The following ALPK2 variants were observed in gnomAD, a reference collection of about 807,000 sequenced individuals.
ALPK2 encodes the protein alpha kinase 2.
A neutral mutation model predicts 163.1 loss-of-function variants in ALPK2; 127 were observed. The observed-to-expected ratio is 0.78, with a 90% confidence interval of 0.67 to 0.90. The LOEUF (loss-of-function observed/expected upper bound fraction) is 0.90. ALPK2 is among the 40% of genes least tolerant of loss of function. The pLI is 0.00. For synonymous variants in ALPK2, 953 were observed against 959.1 expected (o/e 0.99, Z 0.12); for missense variants, 2,360 against 2,589.6 (o/e 0.91, Z 1.92).
At chr18:58,487,952 G>A (rs754157949) in intron 12 of ALPK2, among the ~76,000 whole-genome samples, 1 of 152,176 alleles carries the variant, frequency 6.6e-6, no homozygotes, top group Non-Finnish European at 1.5e-5. Flanking sequence ...CCCTGCGAAT[G>A]ACCTCGAGAC....
chr18:58,614,766 A>G (rs2052155912), intron 1 of ALPK2, among the ~76,000 whole-genome samples: 1 of 152,196 alleles, frequency 6.6e-6, no homozygotes, highest in East Asian at 1.9e-4. Flanking sequence ...ACCATACACA[A>G]TTTACTCATT....
At chr18:58,532,306 T>A (rs1489478622) in intron 5 of ALPK2, among the ~76,000 whole-genome samples, 1 of 152,166 alleles carries the variant, frequency 6.6e-6, no homozygotes, top group Non-Finnish European at 1.5e-5. Context: ...CCGTTCTAAT[T>A]TTCTCTGCAA....
Position 58,537,516 on chromosome 18 carries a change from T to C in ALPK2, c.2671A>G (p.Thr891Ala), listed in dbSNP as rs757581281. Residue 891 changes from threonine to alanine, a missense_variant, in exon 5 of 13, where the codon ACC (threonine) becomes GCC (alanine). Thr to Ala is a moderately conservative substitution (Grantham distance 58, BLOSUM62 0). Transcript: ENST00000361673. ...DGNSVMSPLF[T>A]STFTLNISHT... is the part of the protein sequence containing the mutation. ...GAAATGTTCAAGGTGAAAGTACTGG[T>C]AAAAAGAGGGGACATGACTGAGTTG... 1.9e-6 allele frequency: 3 copies of C among 1,612,994 alleles called. No individual in the cohort carries two copies. Among genetic ancestry groups the C allele is most frequent in the East Asian group, 4.5e-5 (2 of 44,830 alleles).
Position 58,602,555 on chromosome 18 carries a change from C to A in ALPK2, c.227+4767G>T, listed in dbSNP as rs151294921. Among the ~76,000 whole-genome samples, 8 of 152,240 alleles carry A rather than the reference C, an allele frequency of 5.3e-5. 1 individual carries two copies. The East Asian group carries it at 1.4e-3, about 26-fold the overall frequency. On this transcript the variant is annotated intron_variant, in intron 3 of 12. Transcript: ENST00000361673. ...CCCAATCTCTGTCTCTGTCTTCCCACCGCCATTTTTTCTCTGTGTGTGTCT... is the reference window on the plus strand; with the variant it reads ...CCCAATCTCTGTCTCTGTCTTCCCAACGCCATTTTTTCTCTGTGTGTGTCT...
intron 4 of ALPK2, among the ~76,000 whole-genome samples, chr18:58,538,926 A>G (rs1383480607): frequency 6.7e-6 from 1 of 149,084 alleles, no homozygotes; most frequent in Non-Finnish European, 1.5e-5. Context: ...TGTCCATACT[A>G]TCTCTGAAAA....
chr18:58,579,972 T>C lies in ALPK2; in HGVS notation c.804A>G (p.Lys268=). 1 of 1,614,192 alleles carries C rather than the reference T, an allele frequency of 6.2e-7. No homozygotes were observed. The highest frequency in any genetic ancestry group is 8.5e-7 in the Non-Finnish European group (1 of 1,180,030). The stretch of plus-strand genomic sequence containing the variant: ...ATAGCGGGAGGCTGAAGCTAATGTA[T>C]TTCTGTACTTTGGGATTTTGCTGAC... ...RSSQQNPKVQ[K]YISFSLPLSE... The change falls in exon 4 of 13, where the codon AAA becomes AAG. Residue 268 remains lysine (K), a synonymous_variant. Coordinates refer to ENST00000361673, the MANE Select transcript of ALPK2 (RefSeq NM_052947.4).
intron 6 of ALPK2, among the ~76,000 whole-genome samples, chr18:58,524,595 G>A (rs977416938): frequency 4.6e-5 from 7 of 152,146 alleles, no homozygotes; most frequent in African/African-American, 1.7e-4. Flanking sequence ...CGGTCACTGT[G>A]CTATGAAAAC....
chr18:58,482,189 T>C (rs1450303376), intron 12 of ALPK2, 150 bp from the exon 13 acceptor site: 2 of 639,066 alleles, frequency 3.1e-6, no homozygotes, highest in Non-Finnish European at 5.5e-6. Context: ...TAGACACAAC[T>C]ATAAGTGAAG....
rs1340181305 is a variant in ALPK2 at position 58,536,830 on chromosome 18, A to G, written c.3357T>C (p.Phe1119=). The G allele has an allele frequency of 1.2e-6, 2 of 1,614,096 alleles. No homozygotes were observed. The highest frequency in any genetic ancestry group is 8.5e-7 in the Non-Finnish European group (1 of 1,179,998). ...CTTGGAAATTCTCTTCATAGCTCCT[A>G]AAGTCTGCTCTGTCCACAGTCTGGC... is the stretch of plus-strand genomic sequence containing the variant. The part of the protein sequence containing the change: ...DKSQTVDRAD[F]RSYEENFQER... The change falls in exon 5 of 13, where the codon TTT becomes TTC. Residue 1119 remains phenylalanine (F), a synonymous_variant. Transcript: ENST00000361673.
intron 4 of ALPK2, among the ~76,000 whole-genome samples, chr18:58,547,346 A>G (rs1005236990): frequency 1.3e-5 from 2 of 152,238 alleles, no homozygotes; most frequent in African/African-American, 4.8e-5. Context: ...AGATTGAGCC[A>G]GTGGGACCCC....
At chr18:58,628,467 A>T (rs1318961068) in intron 1 of ALPK2, among the ~76,000 whole-genome samples, 2 of 152,220 alleles carry the variant, frequency 1.3e-5, no homozygotes, top group Non-Finnish European at 2.9e-5. Context: ...AACTGTTAAG[A>T]TAGACATGAT....
intron 5 of ALPK2, 43 bp from the exon 6 acceptor site, chr18:58,529,281 C>G (rs370923622): frequency 3.2e-6 from 5 of 1,551,046 alleles, no homozygotes; most frequent in Non-Finnish European, 4.4e-6. Flanking sequence ...AAAAGACTTT[C>G]CCATTTCATA....
chr18:58,524,174 C>A, intron 6 of ALPK2, 112 bp from the exon 7 acceptor site: 1 of 1,414,624 alleles, frequency 7.1e-7, no homozygotes, highest in East Asian at 2.4e-5. Flanking sequence ...TGTTTTCAGC[C>A]AGTGAGCTGC....
At chr18:58,546,924 T>C (rs2051720475) in intron 4 of ALPK2, among the ~76,000 whole-genome samples, 3 of 152,060 alleles carry the variant, frequency 2.0e-5, no homozygotes, top group Admixed American at 2.0e-4. Context: ...TCTGGGGGGT[T>C]TTTTGGTTTT....
rs573563411 is a variant in ALPK2, at chr18:58,536,382, G to C, written c.3805C>G (p.Pro1269Ala). ...SKASDGGLII[P>A]DKVWAVPDSL... ...TCAGGTACAGCCCAGACCTTGTCAG[G>C]AATTATGAGACCACCGTCTGATGCC... The change falls in exon 5 of 13, where the codon CCT becomes GCT. Residue 1269 changes from proline (P) to alanine (A), a missense_variant. Physicochemically the swap from Pro to Ala is conservative, Grantham distance 27 (BLOSUM62 -1). Transcript: ENST00000361673. The C allele has an allele frequency of 1.8e-5, 29 of 1,614,100 alleles. No homozygotes were observed. In the South Asian group the frequency reaches 3.0e-4, roughly 17 times the overall value.
At chr18:58,577,063 T>A (rs573226526) in intron 4 of ALPK2, among the ~76,000 whole-genome samples, 1 of 152,320 alleles carries the variant, frequency 6.6e-6, no homozygotes, top group South Asian at 2.1e-4. Context: ...AATGTGTGTG[T>A]GAGTGTGTAA....
chr18:58,518,446 T>C (rs2051533719), intron 8 of ALPK2, among the ~76,000 whole-genome samples: 1 of 152,158 alleles, frequency 6.6e-6, no homozygotes. Flanking sequence ...CTAAAGGTGC[T>C]CCTAGCATTT....
chr18:58,571,352 A>G (rs1449767786), intron 4 of ALPK2, among the ~76,000 whole-genome samples: 5 of 151,372 alleles, frequency 3.3e-5, no homozygotes, highest in Non-Finnish European at 4.4e-5. Flanking sequence ...GCCTGGCACT[A>G]TGCTAAGTTC....
At chr18:58,490,373 C>G (rs187167452) in intron 12 of ALPK2, among the ~76,000 whole-genome samples, 1 of 152,184 alleles carries the variant, frequency 6.6e-6, no homozygotes, top group Non-Finnish European at 1.5e-5. Flanking sequence ...AGGGGAGCCT[C>G]CAGGCAATTC....
Sources: gnomAD v4.1 joint callset for allele counts (sites outside exome capture counted in the v4.1 genomes callset) on GRCh38, gnomAD v4.1.1 for gene constraint, MANE v1.5 for transcripts, NCBI Gene and HGNC (gene_info 2026-07-23, HGNC 2026-07-21) for gene names.